Variants in PSME4 observed in about 807,000 individuals in gnomAD.
The protein encoded by PSME4 is proteasome activator complex subunit 4.
Under a neutral mutation model 253.9 loss-of-function variants are expected in PSME4, and 89 were observed. That is an observed-to-expected ratio of 0.35 (90% CI 0.30 to 0.42). The LOEUF is 0.42. PSME4 is among the 10% of genes least tolerant of loss of function. The pLI is 1.00. For synonymous variants in PSME4, 851 were observed against 759.2 expected (o/e 1.12, Z -1.99); for missense variants, 2,014 against 2,195.2 (o/e 0.92, Z 1.65).
chr2:53,956,460 G>A (rs1201179197), intron 1 of PSME4, among the ~76,000 whole-genome samples: 4 of 151,792 alleles, frequency 2.6e-5, no homozygotes, highest in Non-Finnish European at 5.9e-5. Flanking sequence ...AACCCGGGAG[G>A]CGGAGGTTGT....
chr2:53,940,922 A>G (rs1464815331), intron 3 of PSME4, among the ~76,000 whole-genome samples: 1 of 128,384 alleles, frequency 7.8e-6, no homozygotes, highest in Non-Finnish European at 1.6e-5. Context: ...ATTTAAATAT[A>G]TATATAATAC....
At chr2:53,870,275 C>T (rs1186497080) in intron 43 of PSME4, 1 of 152,018 alleles carries the variant, frequency 6.6e-6, no homozygotes, top group Non-Finnish European at 1.5e-5. Flanking sequence ...ATGTTCTTTG[C>T]TGCGTTCATT....
chr2:53,866,983 G>A, intron 44 of PSME4, 103 bp from the exon 45 acceptor site: 1 of 1,111,586 alleles, frequency 9.0e-7, no homozygotes, highest in South Asian at 1.8e-5. Context: ...TTCAATATGT[G>A]AATTTCTGCA....
intron 4 of PSME4, 87 bp from the exon 5 acceptor site, chr2:53,937,627 G>A (rs1450026199): frequency 9.5e-6 from 12 of 1,257,062 alleles, no homozygotes; most frequent in Non-Finnish European, 1.4e-5. Flanking sequence ...AAAGGCTGGG[G>A]GAGGAGGAGA....
intron 43 of PSME4, among the ~76,000 whole-genome samples, chr2:53,873,991 T>C (rs1679009753): frequency 6.6e-6 from 1 of 152,188 alleles, no homozygotes; most frequent in South Asian, 2.1e-4. Context: ...TGAGACAGGG[T>C]CTCACTCTGC....
chr2:53,908,505 T>C lies in PSME4; in HGVS notation c.2685+5A>G. ...CATTATGCAACTATCAAATGACAAA[T>C]GTACCTTTATAATAAGAAACAATGA... On this transcript the variant is annotated splice_donor_5th_base_variant and intron_variant, in intron 23 of 46. Transcript: ENST00000404125. The C allele has an allele frequency of 6.2e-7, 1 of 1,610,738 alleles. No homozygotes were observed. The highest frequency in any genetic ancestry group is 1.1e-5 in the South Asian group (1 of 90,344).
intron 3 of PSME4, among the ~76,000 whole-genome samples, chr2:53,947,435 G>A (rs1320973713): frequency 6.6e-6 from 1 of 152,218 alleles, no homozygotes; most frequent in Non-Finnish European, 1.5e-5. Flanking sequence ...GCTGGGGGTG[G>A]TGGCTCACGC....
At chr2:53,962,954 G>A (rs1169929261) in intron 1 of PSME4, among the ~76,000 whole-genome samples, 2 of 151,288 alleles carry the variant, frequency 1.3e-5, no homozygotes, top group East Asian at 3.9e-4. Context: ...AGGCTGCAGT[G>A]AGCCGAGATC....
chr2:53,870,336 C>A (rs1040550799), intron 43 of PSME4: 5 of 151,210 alleles, frequency 3.3e-5, no homozygotes, highest in African/African-American at 1.2e-4. Flanking sequence ...TGCACTATTT[C>A]CTATAAAGCT....
intron 17 of PSME4, 133 bp from the exon 18 acceptor site, chr2:53,921,237 C>CT: frequency 7.6e-7 from 1 of 1,310,068 alleles, no homozygotes; most frequent in Non-Finnish European, 1.0e-6. Context: ...AGGATTGTCA[C>CT]TTTAACTGCA....
chr2:53,954,307 A>G (rs1670134329), intron 1 of PSME4, among the ~76,000 whole-genome samples: 1 of 151,504 alleles, frequency 6.6e-6, no homozygotes, highest in African/African-American at 2.4e-5. Flanking sequence ...CAGCCTGGGC[A>G]ACAGAGGGAG....
At chr2:53,901,629 C>T in intron 27 of PSME4, 70 bp from the exon 28 acceptor site, 1 of 1,262,602 alleles carries the variant, frequency 7.9e-7, no homozygotes, top group Non-Finnish European at 1.1e-6. Flanking sequence ...AGCCAATGCA[C>T]CTATGTATTG....
In PSME4 at chr2:53,908,408, TCTC is replaced by T; in HGVS notation, c.2693_2695del (p.Gly898del). Reference sequence around the variant, plus strand: ...GTGAGATCCTTGGAATTGTAAAAGGTCTCCAATAATCTGTGTCAAAGAATTTCA... The same window carrying T: ...GTGAGATCCTTGGAATTGTAAAAGGTCAATAATCTGTGTCAAAGAATTTCA... On this transcript the variant is annotated inframe_deletion, in exon 24 of 47. Coordinates refer to ENST00000404125, the MANE Select transcript of PSME4 (RefSeq NM_014614.3). The T allele has an allele frequency of 6.2e-7, 1 of 1,613,012 alleles. No individual in the cohort carries two copies. Among genetic ancestry groups the T allele is most frequent in the Non-Finnish European group, 8.5e-7 (1 of 1,179,456 alleles).
At chr2:53,940,954 T>TATTTAA (rs1553338439) in intron 3 of PSME4, among the ~76,000 whole-genome samples, 1,088 of 17,036 alleles carry the variant, frequency 0.064, 103 homozygotes, top group East Asian at 0.096. Context: ...TATATATACA[T>TATTTAA]ATATATATAT....
At chr2:53,960,753 C>G (rs10189699) in intron 1 of PSME4, among the ~76,000 whole-genome samples, 2 of 152,156 alleles carry the variant, frequency 1.3e-5, no homozygotes, top group Non-Finnish European at 2.9e-5. Flanking sequence ...CAGTGGGGCT[C>G]TGGGTACCAG....
chr2:53,922,544 T>A lies in PSME4; in HGVS notation c.2019A>T (p.Leu673Phe). 6.2e-7 allele frequency: 1 copy of A among 1,613,006 alleles called. No homozygotes were observed. Among genetic ancestry groups the A allele is most frequent in the Non-Finnish European group, 8.5e-7 (1 of 1,179,590 alleles). Residue 673 changes from leucine to phenylalanine, a missense_variant, in exon 17 of 47, where the codon TTA becomes TTT. Around this residue, in one of 4 missense-constraint regions of PSME4, gnomAD observed 989 missense variants for 1,021.1 expected, o/e 0.97. Coordinates refer to ENST00000404125, the MANE Select transcript of PSME4 (RefSeq NM_014614.3). ...CAGACAAAAGTTGAAGATTCCATAGTAATTCCTTGTCTAGCTCTTCATCAT... is the reference window on the plus strand; with the variant it reads ...CAGACAAAAGTTGAAGATTCCATAGAAATTCCTTGTCTAGCTCTTCATCAT... The part of the protein sequence containing the change: ...VLNDEELDKE[L>F]LWNLQLLSEI...
At chr2:53,917,981 C>T (rs1668133177) in intron 20 of PSME4, among the ~76,000 whole-genome samples, 1 of 152,190 alleles carries the variant, frequency 6.6e-6, no homozygotes, top group Non-Finnish European at 1.5e-5. Flanking sequence ...CCTAACTTCT[C>T]CTTCTTAAAC....
intron 29 of PSME4, among the ~76,000 whole-genome samples, chr2:53,898,892 C>A (rs982791252): frequency 2.0e-5 from 3 of 151,842 alleles, no homozygotes; most frequent in African/African-American, 7.3e-5. Context: ...CCAAATTTGA[C>A]CAATAAGTTA....
At chr2:53,923,903 A>C in intron 14 of PSME4, among the ~76,000 whole-genome samples, 1 of 137,556 alleles carries the variant, frequency 7.3e-6, no homozygotes, top group Non-Finnish European at 1.5e-5. Flanking sequence ...AGCCCAGGTG[A>C]CAGAGTTAAC....
Sources: allele counts gnomAD v4.1 joint callset (sites outside exome capture counted in the v4.1 genomes callset), GRCh38; gene constraint gnomAD v4.1.1; regional missense constraint gnomAD v4.1.1; transcripts MANE v1.5; gene names NCBI Gene and HGNC (gene_info 2026-07-23, HGNC 2026-07-21).